INO80: variants seen among roughly 807,000 people sequenced by gnomAD.
INO80 encodes the protein chromatin-remodeling ATPase INO80.
Under a neutral mutation model 203.4 loss-of-function variants are expected in INO80, and 20 were observed. The observed-to-expected ratio is 0.10, with a 90% CI of 0.07 to 0.14. The LOEUF is 0.14. Among genes scored for constraint, INO80 ranks in the 10% least tolerant of loss-of-function variants. The pLI, the probability that INO80 is intolerant of heterozygous loss-of-function variation, is 1.00. For missense variants in INO80, 1,419 were observed against 1,914.4 expected, an observed-to-expected ratio of 0.74 and a Z score of 4.83; for synonymous variants, 726 against 685.2, an observed-to-expected ratio of 1.06 and a Z score of -0.93.
At position 41,110,204 on chromosome 15, in the gene INO80, G is replaced by C. The variant is rs189483194; in HGVS notation, c.-44+5769C>G. On this transcript the variant is annotated intron_variant, in intron 1 of 35. Coordinates refer to ENST00000648947, the MANE Select transcript of INO80 (RefSeq NM_017553.3). ...TCTGTCGCCAGGCTGGAGTGCAGTG[G>C]CATGATCTCGGCTCACTGCAACCTC... Among the ~76,000 whole-genome samples the C allele has an allele frequency of 2.7e-3, 406 of 151,878 alleles. 3 individuals carry two copies. Among genetic ancestry groups the C allele is most frequent in the South Asian group, 0.013 (61 of 4,778 alleles).
chr15:41,023,103 A>C, intron 25 of INO80: 1 of 195,524 alleles, frequency 5.1e-6, no homozygotes, highest in Non-Finnish European at 1.1e-5. Flanking sequence ...ACTGTCTCAA[A>C]AAAAAAAAAA....
chr15:41,027,767 CTATAAT>C (rs1371482395), intron 24 of INO80, 31 bp from the exon 25 acceptor site: 1 of 1,533,570 alleles, frequency 6.5e-7, no homozygotes, highest in East Asian at 2.3e-5. Context: ...TGAATGCCAA[CTATAAT>C]TATGTTTAAT....
intron 28 of INO80, among the ~76,000 whole-genome samples, chr15:40,999,621 G>A (rs144273324): frequency 1.6e-4 from 24 of 152,198 alleles, no homozygotes; most frequent in African/African-American, 3.6e-4. Context: ...TTAATATTTC[G>A]TAATTGTATT....
At chr15:41,095,736 G>A in intron 3 of INO80, 23 bp downstream of exon 3, 2 of 1,613,182 alleles carry the variant, frequency 1.2e-6, no homozygotes, top group Non-Finnish European at 8.5e-7. Context: ...ATAGTCCAAA[G>A]GGGGATGTCA....
At chr15:41,004,117 G>A (rs1340052408) in intron 28 of INO80, among the ~76,000 whole-genome samples, 1 of 152,190 alleles carries the variant, frequency 6.6e-6, no homozygotes, top group East Asian at 1.9e-4. Context: ...CAAATAATTG[G>A]TTTTAGAATC....
chr15:41,063,218 T>A (rs1596303710), intron 14 of INO80, among the ~76,000 whole-genome samples: 1 of 148,822 alleles, frequency 6.7e-6, no homozygotes, highest in African/African-American at 2.6e-5. Context: ...GTGCCTGTTA[T>A]TCTAGCTACT....
Position 41,085,484 on chromosome 15 carries a change from T to G in INO80, c.758A>C (p.Lys253Thr). 6.2e-7 allele frequency: 1 copy of G among 1,614,168 alleles called. No homozygotes were observed. The highest frequency in any genetic ancestry group is 8.5e-7 in the Non-Finnish European group (1 of 1,180,020). The change falls in exon 7 of 36, where the codon AAG (lysine) becomes ACG (threonine). Residue 253 changes from lysine (K) to threonine (T), a missense_variant. Coordinates refer to ENST00000648947, the MANE Select transcript of INO80 (RefSeq NM_017553.3). ...AGGGGGAGGTGCATCGTGAGAAAAC[T>G]TGGCAAAGACTTTGGTCTGGTGGTG... ...RHHHQTKVFA[K>T]FSHDAPPPGT...
intron 24 of INO80, among the ~76,000 whole-genome samples, chr15:41,044,508 A>G (rs533318849): frequency 1.9e-4 from 29 of 152,360 alleles, no homozygotes; most frequent in Non-Finnish European, 3.5e-4. Flanking sequence ...ACGGTGACAG[A>G]AGTAGAATAT....
intron 11 of INO80, among the ~76,000 whole-genome samples, chr15:41,073,216 G>A (rs998768793): frequency 6.6e-6 from 1 of 152,156 alleles, no homozygotes; most frequent in African/African-American, 2.4e-5. Flanking sequence ...CTGAATATTC[G>A]TTTTTCTGCC....
In INO80 at chr15:41,049,784, G is replaced by A. The variant is rs2044835122; in HGVS notation, c.2442+151C>T. 4 of 693,918 alleles carry A rather than the reference G, an allele frequency of 5.8e-6. No homozygotes were observed. In the South Asian group the frequency reaches 8.8e-5, roughly 15 times the overall value. The allele number at this position is 693,918 out of a possible 1,614,324, so 43.0% of individuals were successfully genotyped here. ...TCCTGTAGTCTCAGCTCCTTGGGAGGCTGAGGCAGGAGAATTGCCTGAACC... is the reference window on the plus strand; with the variant it reads ...TCCTGTAGTCTCAGCTCCTTGGGAGACTGAGGCAGGAGAATTGCCTGAACC... On this transcript the variant is annotated intron_variant, in intron 20 of 35. Coordinates refer to ENST00000648947, the MANE Select transcript of INO80 (RefSeq NM_017553.3).
chr15:41,060,533 G>A (rs750455611), intron 14 of INO80, among the ~76,000 whole-genome samples: 4 of 151,130 alleles, frequency 2.6e-5, no homozygotes, highest in Non-Finnish European at 4.4e-5. Flanking sequence ...CAGCCTGGGG[G>A]ACAAGAGCAA....
At chr15:41,067,632 T>C (rs536427405) in intron 14 of INO80, among the ~76,000 whole-genome samples, 3 of 152,200 alleles carry the variant, frequency 2.0e-5, no homozygotes, top group Non-Finnish European at 4.4e-5. Flanking sequence ...ACCACAGCCA[T>C]AAAGCTGCCT....
At chr15:40,993,128 G>T (rs1421779134) in intron 29 of INO80, among the ~76,000 whole-genome samples, 4 of 152,098 alleles carry the variant, frequency 2.6e-5, no homozygotes, top group African/African-American at 9.7e-5. Context: ...GATGAAAAAA[G>T]AATTCCTACT....
intron 24 of INO80, among the ~76,000 whole-genome samples, chr15:41,037,309 A>C (rs1353317117): frequency 2.0e-5 from 3 of 151,886 alleles, no homozygotes; most frequent in African/African-American, 4.8e-5. Context: ...GGAGTTCGAG[A>C]TCAGCCTGGC....
intron 25 of INO80, among the ~76,000 whole-genome samples, chr15:41,022,426 C>T (rs1047133653): frequency 2.0e-5 from 3 of 152,088 alleles, no homozygotes; most frequent in Admixed American, 6.6e-5. Flanking sequence ...TCCTTTGAAG[C>T]GGACCAAAAG....
intron 25 of INO80, chr15:41,024,661 A>C (rs1298550575): frequency 6.6e-6 from 1 of 152,228 alleles, no homozygotes; most frequent in Non-Finnish European, 1.5e-5. Context: ...CTAAGGCCTT[A>C]ATTTATTAAC....
chr15:41,098,181 C>T (rs566762411), intron 1 of INO80, among the ~76,000 whole-genome samples: 33 of 152,230 alleles, frequency 2.2e-4, no homozygotes, highest in Middle Eastern at 3.4e-3. Context: ...GGCAATCATA[C>T]ATCTTTGAGT....
intron 26 of INO80, chr15:41,019,393 G>A (rs1209755539): frequency 1.3e-5 from 2 of 152,152 alleles, no homozygotes; most frequent in Non-Finnish European, 2.9e-5. Context: ...TGAGGCTGGT[G>A]CTTTTTATCG....
chr15:41,072,641 C>CAA (rs747499405), intron 11 of INO80, among the ~76,000 whole-genome samples: 57 of 45,926 alleles, frequency 1.2e-3, no homozygotes, highest in African/African-American at 3.7e-3. Context: ...ACTCCCGCCT[C>CAA]AAAAAAAAAA....
Sources: allele counts gnomAD v4.1 joint callset (sites outside exome capture counted in the v4.1 genomes callset), GRCh38; gene constraint gnomAD v4.1.1; transcripts MANE v1.5; gene names NCBI Gene and HGNC (gene_info 2026-07-23, HGNC 2026-07-21).